The following SLC22A23 variants were observed in gnomAD, a reference collection of about 807,000 sequenced individuals.
SLC22A23 encodes solute carrier family 22 member 23.
SLC22A23 carries 26 observed loss-of-function variants against 61.0 expected under a neutral mutation model. That is an observed-to-expected ratio of 0.43 (90% CI 0.31 to 0.59). The LOEUF (loss-of-function observed/expected upper bound fraction) is 0.59. Ranked by LOEUF, SLC22A23 falls within the 20% of genes least tolerant of loss-of-function variation. SLC22A23 has a pLI of 0.11. For missense variants in SLC22A23, 796 were observed against 934.7 expected (o/e 0.85, Z 1.94); for synonymous variants, 430 against 413.9 (o/e 1.04, Z -0.47).
chr6:3,313,328 G>A (rs1762464378), intron 4 of SLC22A23: 1 of 152,174 alleles, frequency 6.6e-6, no homozygotes. Flanking sequence ...CATCTAGATA[G>A]TTTGTAGGCA....
At position 3,372,598 on chromosome 6, in the gene SLC22A23, C is replaced by T. The variant is rs1245952653; in HGVS notation, c.913+37590G>A. ...GCGTGGCCTGAGGAAACCGTGGCTT[C>T]CCCCCATGTCTCATGCACAGGGCCC... On this transcript the variant is annotated intron_variant, in intron 3 of 9. Transcript: ENST00000406686. This position sits in a 1 kb window ranked among gnomAD's most constrained non-coding sequence, Gnocchi z 4.7. Among the ~76,000 whole-genome samples, 1 of 152,164 alleles carries T rather than the reference C, an allele frequency of 6.6e-6. No homozygotes were observed. Among genetic ancestry groups the T allele is most frequent in the Admixed American group, 6.5e-5 (1 of 15,286 alleles).
rs1761744836 is a variant in SLC22A23 at position 3,303,244 on chromosome 6, A to T, written c.1083-5026T>A. 2 of 152,256 alleles carry T rather than the reference A, an allele frequency of 1.3e-5. 1 individual carries two copies. The highest frequency in any genetic ancestry group is 4.8e-5 in the African/African-American group (2 of 41,464). The allele number at this position is 152,256 out of a possible 1,614,324, so 9.4% of individuals were successfully genotyped here. On this transcript the variant is annotated intron_variant, in intron 4 of 9. Transcript: ENST00000406686. ...GGATGTGGAGAAAGGGAACTCTTAT[A>T]TGATGTTGGTGGGAATGTAAACTAG...
At chr6:3,381,441 G>A (rs750701738) in intron 3 of SLC22A23, among the ~76,000 whole-genome samples, 8 of 152,226 alleles carry the variant, frequency 5.3e-5, no homozygotes, top group Non-Finnish European at 2.9e-5. Flanking sequence ...ACAGCAGAAT[G>A]GGGCTGACTG....
At chr6:3,430,259 G>A (rs180839945) in intron 1 of SLC22A23, among the ~76,000 whole-genome samples, 2 of 152,204 alleles carry the variant, frequency 1.3e-5, no homozygotes, top group East Asian at 1.9e-4. Flanking sequence ...TCTCGTCTCC[G>A]CTGGCAGTGA....
intron 3 of SLC22A23, among the ~76,000 whole-genome samples, chr6:3,366,042 A>C (rs1377178284): frequency 6.6e-6 from 1 of 152,128 alleles, no homozygotes; most frequent in Non-Finnish European, 1.5e-5. Flanking sequence ...CAGAAAGAGA[A>C]GGGTATGGCT....
In SLC22A23 at chr6:3,285,268, G is replaced by A. The variant is rs554197666; in HGVS notation, c.1547-157C>T. 9.0e-4 allele frequency among the ~76,000 whole-genome samples: 137 copies of A among 152,360 alleles called. No homozygotes were observed. The South Asian group carries it at 9.3e-3, about 10-fold the overall frequency. ...TGTCTGGGATGGCGCTGGCCGCCGGGGCAGTGGAATTCATACTGCGCTAAA... is the reference window on the plus strand; with the variant it reads ...TGTCTGGGATGGCGCTGGCCGCCGGAGCAGTGGAATTCATACTGCGCTAAA... On this transcript the variant is annotated intron_variant, in intron 7 of 9. Transcript: ENST00000406686.
rs113960295 is a variant in SLC22A23, at chr6:3,308,841, T to A, written c.1083-10623A>T. ...GCCTGTAATCCCAGCTACTCAGGAG[T>A]CTAAGGCAGGAGAATCACTTGAACC... is the stretch of plus-strand genomic sequence containing the variant. On this transcript the variant is annotated intron_variant, in intron 4 of 9. Transcript: ENST00000406686. This position sits in a 1 kb window ranked among gnomAD's most constrained non-coding sequence, Gnocchi z 5.1. 1.5e-3 allele frequency among the ~76,000 whole-genome samples: 214 copies of A among 140,232 alleles called. 1 individual carries two copies. Among genetic ancestry groups the A allele is most frequent in the African/African-American group, 5.5e-3 (207 of 37,644 alleles). 92.0% of individuals were successfully genotyped at this position (140,232 alleles called of 152,430 possible). A position where few individuals can be genotyped will look rare whatever the true frequency, so the allele number is the denominator to read the frequency against.
chr6:3,442,022 G>A (rs868136855), intron 1 of SLC22A23, among the ~76,000 whole-genome samples: 5 of 152,282 alleles, frequency 3.3e-5, no homozygotes, highest in South Asian at 2.1e-4. Flanking sequence ...GGGTAGAGGC[G>A]ACCCAAGTGT....
chr6:3,271,939 C>G lies in SLC22A23; in HGVS notation c.*1116G>C, dbSNP rs1379734859. ...CTCCGCTCCCTGCCCGAAGCCCCAC[C>G]TCTGTGCTATGCGAGTGACTGCAAG... On this transcript the variant is annotated 3_prime_UTR_variant, in exon 10 of 10. Transcript: ENST00000406686. The G allele has an allele frequency of 6.6e-6, 1 of 152,462 alleles. No homozygotes were observed. The highest frequency in any genetic ancestry group is 1.5e-5 in the Non-Finnish European group (1 of 68,144). The allele number at this position is 152,462 out of a possible 1,614,324, so 9.4% of individuals were successfully genotyped here. A position where few individuals can be genotyped will look rare whatever the true frequency, so the allele number is the denominator to read the frequency against.
At chr6:3,319,864 G>A (rs1035321234) in intron 4 of SLC22A23, among the ~76,000 whole-genome samples, 5 of 152,186 alleles carry the variant, frequency 3.3e-5, no homozygotes, top group African/African-American at 1.2e-4. Flanking sequence ...GGGAGCAGGT[G>A]GAATTTGGAA....
At chr6:3,359,605 G>A (rs568424510) in intron 3 of SLC22A23, among the ~76,000 whole-genome samples, 10 of 152,322 alleles carry the variant, frequency 6.6e-5, no homozygotes, top group African/African-American at 2.2e-4. Context: ...TGGTGGGAAT[G>A]TACAACGGTG....
Position 3,287,043 on chromosome 6 carries a change from G to A in SLC22A23, c.1362C>T (p.Gly454=), listed in dbSNP as rs1760079959. 7 of 1,614,088 alleles carry A rather than the reference G, an allele frequency of 4.3e-6. No individual in the cohort carries two copies. The highest frequency in any genetic ancestry group is 5.9e-6 in the Non-Finnish European group (7 of 1,180,032). The change falls in exon 7 of 10, where the codon GGC becomes GGT. Residue 454 remains glycine, a synonymous_variant. Transcript: ENST00000406686. ...CCAGGAGCGGCACCTTCACCTCGTG[G>A]CCCATCATGCTCCTGGCAAAGCAGT... ...IHHCFARSMM[G]HEVKVPLLEN... is the part of the protein sequence containing the mutation.
At chr6:3,338,520 T>C (rs1201871238) in intron 3 of SLC22A23, among the ~76,000 whole-genome samples, 1 of 152,228 alleles carries the variant, frequency 6.6e-6, no homozygotes, top group Non-Finnish European at 1.5e-5. Flanking sequence ...AGACAGGGTT[T>C]CACCATGTTG....
chr6:3,430,755 G>C (rs1263367786), intron 1 of SLC22A23, among the ~76,000 whole-genome samples: 2 of 152,140 alleles, frequency 1.3e-5, no homozygotes, highest in African/African-American at 4.8e-5. Context: ...GAGTGGAAAG[G>C]AGTTGTCTGT....
chr6:3,303,095 A>G (rs1041107804), intron 4 of SLC22A23: 1 of 152,232 alleles, frequency 6.6e-6, no homozygotes, highest in Non-Finnish European at 1.5e-5. Context: ...CAACAAACAT[A>G]TATTAAAAAA....
At chr6:3,296,415 C>T (rs562207768) in intron 5 of SLC22A23, among the ~76,000 whole-genome samples, 18 of 152,332 alleles carry the variant, frequency 1.2e-4, no homozygotes, top group South Asian at 6.2e-4. Flanking sequence ...TCTGTGCTCC[C>T]GTTTCCTCAT....
intron 5 of SLC22A23, 74 bp from the exon 6 acceptor site, chr6:3,289,940 C>T: frequency 1.6e-6 from 2 of 1,212,926 alleles, no homozygotes; most frequent in Non-Finnish European, 1.2e-6. Flanking sequence ...CAGTCACAGC[C>T]CTGGTTCCCC....
intron 1 of SLC22A23, among the ~76,000 whole-genome samples, chr6:3,451,500 G>A (rs1201866663): frequency 6.6e-6 from 1 of 152,238 alleles, no homozygotes; most frequent in Non-Finnish European, 1.5e-5. Flanking sequence ...CCCAGCCTGT[G>A]CAAATCATTA....
At chr6:3,439,888 A>T (rs989212877) in intron 1 of SLC22A23, among the ~76,000 whole-genome samples, 1 of 152,264 alleles carries the variant, frequency 6.6e-6, no homozygotes, top group Middle Eastern at 3.4e-3. Flanking sequence ...GGAACACAGC[A>T]TTGTTTGGGA....
Sources: allele counts gnomAD v4.1 joint callset (sites outside exome capture counted in the v4.1 genomes callset), GRCh38; gene constraint gnomAD v4.1.1; non-coding constraint Gnocchi (gnomAD v3.1); transcripts MANE v1.5; gene names NCBI Gene and HGNC (gene_info 2026-07-23, HGNC 2026-07-21).